Variants in TIAM1 observed in about 807,000 individuals in gnomAD.
The protein encoded by TIAM1 is rho guanine nucleotide exchange factor TIAM1.
In TIAM1, 65 loss-of-function variants were observed where a neutral mutation model predicts 163.5. The ratio of observed to expected loss-of-function variants is 0.40; its 90% confidence interval spans 0.33 to 0.49. The LOEUF (loss-of-function observed/expected upper bound fraction) is 0.49. TIAM1 is among the 20% of genes least tolerant of loss of function. The pLI, the probability that TIAM1 is intolerant of heterozygous loss-of-function variation, is 0.77. For synonymous variants in TIAM1, 833 were observed against 810.1 expected, an observed-to-expected ratio of 1.03 and a Z score of -0.48; for missense variants, 1,789 against 2,044.7, an observed-to-expected ratio of 0.87 and a Z score of 2.41.
chr21:31,288,212 G>A (rs1299648428), intron 2 of TIAM1, among the ~76,000 whole-genome samples: 1 of 151,968 alleles, frequency 6.6e-6, no homozygotes, highest in Non-Finnish European at 1.5e-5. Context: ...CAAAGGACTG[G>A]AACCCACTAG....
At chr21:31,290,028 C>T (rs562298027) in intron 2 of TIAM1, among the ~76,000 whole-genome samples, 2 of 152,180 alleles carry the variant, frequency 1.3e-5, no homozygotes, top group Non-Finnish European at 2.9e-5. Flanking sequence ...TAGTTCTAAG[C>T]ATGCCCACCC....
intron 1 of TIAM1, among the ~76,000 whole-genome samples, chr21:31,477,456 G>A (rs865903564): frequency 1.1e-4 from 16 of 148,402 alleles, no homozygotes; most frequent in African/African-American, 3.7e-4. Context: ...CAGCGACTCA[G>A]GAAAGGGAAC....
chr21:31,299,725 G>A (rs912232711), intron 2 of TIAM1, among the ~76,000 whole-genome samples: 35 of 152,118 alleles, frequency 2.3e-4, no homozygotes, highest in Admixed American at 2.2e-3. Flanking sequence ...AGACAGAATC[G>A]GCGGGGATTT....
intron 2 of TIAM1, among the ~76,000 whole-genome samples, chr21:31,352,100 C>T (rs1421102743): frequency 6.6e-6 from 1 of 151,838 alleles, no homozygotes; most frequent in Non-Finnish European, 1.5e-5. Flanking sequence ...TTTGCTAACG[C>T]CACAAAATAC....
At chr21:31,265,973 A>G (rs201023632) in intron 4 of TIAM1, 37 bp downstream of exon 4, 483 of 1,600,006 alleles carry the variant, frequency 3.0e-4, no homozygotes, top group Non-Finnish European at 3.9e-4. Flanking sequence ...GTCATGCACC[A>G]TTCCCAAAAT....
chr21:31,303,898 A>T (rs2146964554), intron 2 of TIAM1, among the ~76,000 whole-genome samples: 1 of 152,280 alleles, frequency 6.6e-6, no homozygotes, highest in Middle Eastern at 3.4e-3. Context: ...GAATTGCTTG[A>T]ACCCTGGAGG....
At position 31,476,769 on chromosome 21, in the gene TIAM1, G is replaced by A. The variant is rs183337071; in HGVS notation, c.-421-12734C>T. 3.7e-3 allele frequency among the ~76,000 whole-genome samples: 562 copies of A among 152,234 alleles called. 1 individual carries two copies. Among genetic ancestry groups the A allele is most frequent in the Non-Finnish European group, 6.2e-3 (422 of 68,008 alleles). On this transcript the variant is annotated intron_variant, in intron 1 of 28. Coordinates refer to the TIAM1 transcript ENST00000286827. ...AACTGCAATAAATTTACTTACAATAGCCCAAAACCCAGGGCAGTAGAATGC... is the reference window on the plus strand; with the variant it reads ...AACTGCAATAAATTTACTTACAATAACCCAAAACCCAGGGCAGTAGAATGC...
rs189373033 is a variant in TIAM1 at position 31,196,550 on chromosome 21, C to A, written c.2494-1245G>T. The stretch of plus-strand genomic sequence containing the variant: ...TGGACAGGCTGGTCTCAAACTCTGA[C>A]CTCAAATGATCCGCCCACCTCAGCC... On this transcript the variant is annotated intron_variant, in intron 12 of 27. Coordinates refer to ENST00000541036, the MANE Select transcript of TIAM1 (RefSeq NM_001353694.2). 3.4e-5 allele frequency among the ~76,000 whole-genome samples: 5 copies of A among 149,152 alleles called. No homozygotes were observed. The East Asian group carries it at 9.9e-4, about 30-fold the overall frequency.
chr21:31,291,941 CCT>C (rs2146918356), intron 2 of TIAM1, among the ~76,000 whole-genome samples: 1 of 152,270 alleles, frequency 6.6e-6, no homozygotes, highest in East Asian at 1.9e-4. Flanking sequence ...AGCACAAATC[CCT>C]CTTTCTCACC....
intron 6 of TIAM1, among the ~76,000 whole-genome samples, chr21:31,228,219 TTAAAAA>T (rs2088118254): frequency 2.8e-4 from 5 of 17,624 alleles, no homozygotes; most frequent in African/African-American, 4.4e-4. Context: ...CCTCCTTTTT[TTAAAAA>T]AAAAAAAAAA....
intron 12 of TIAM1, among the ~76,000 whole-genome samples, chr21:31,199,924 A>C (rs548359758): frequency 2.2e-3 from 327 of 151,152 alleles, no homozygotes; most frequent in Middle Eastern, 6.8e-3. Context: ...AAAAAAAAAA[A>C]ACACACAAAA....
chr21:31,526,594 G>A (rs886208120), intron 1 of TIAM1, among the ~76,000 whole-genome samples: 2 of 152,180 alleles, frequency 1.3e-5, no homozygotes, highest in African/African-American at 4.8e-5. Context: ...ACCCTGCATG[G>A]CCACAGGTGG....
intron 2 of TIAM1, among the ~76,000 whole-genome samples, chr21:31,382,060 A>G (rs1243997388): frequency 6.6e-6 from 1 of 152,230 alleles, no homozygotes; most frequent in Non-Finnish European, 1.5e-5. Flanking sequence ...AGACCAATAA[A>G]GCATTATGAG....
chr21:31,438,729 G>A (rs1350689701), intron 2 of TIAM1, among the ~76,000 whole-genome samples: 1 of 152,138 alleles, frequency 6.6e-6, no homozygotes, highest in East Asian at 1.9e-4. Flanking sequence ...CTCTGTCTCA[G>A]TGCTATTGGC....
At chr21:31,535,385 A>C (rs1273240323) in intron 1 of TIAM1, among the ~76,000 whole-genome samples, 1 of 101,290 alleles carries the variant, frequency 9.9e-6, no homozygotes, top group Non-Finnish European at 2.0e-5. Flanking sequence ...CATCTCAAAA[A>C]AAAAAAAAAA....
In TIAM1 at chr21:31,383,646, ACCT is replaced by A. The variant is rs1935460369; in HGVS notation, c.-368-44227_-368-44225del. On this transcript the variant is annotated intron_variant, in intron 2 of 28. Transcript: ENST00000286827. ...TTCCTGACATGCCTTGGGAAAGAAA[ACCT>A]CCTGTATCTACATGGGACTACAGGT... 2.0e-5 allele frequency among the ~76,000 whole-genome samples: 3 copies of A among 152,180 alleles called. No individual in the cohort carries two copies. The South Asian group carries it at 6.2e-4, about 32-fold the overall frequency.
At chr21:31,184,871 CTCG>C (rs1199830759) in intron 14 of TIAM1, among the ~76,000 whole-genome samples, 1 of 152,212 alleles carries the variant, frequency 6.6e-6, no homozygotes, top group South Asian at 2.1e-4. Flanking sequence ...TTATTTCTCA[CTCG>C]TCACACCTTT....
At chr21:31,294,620 G>C (rs1348000752) in intron 2 of TIAM1, among the ~76,000 whole-genome samples, 1 of 152,222 alleles carries the variant, frequency 6.6e-6, no homozygotes, top group Non-Finnish European at 1.5e-5. Context: ...TCACAGAAAA[G>C]AGAGCCGTTG....
At chr21:31,143,349 T>A (rs1266033477) in intron 20 of TIAM1, among the ~76,000 whole-genome samples, 1 of 152,046 alleles carries the variant, frequency 6.6e-6, no homozygotes, top group Non-Finnish European at 1.5e-5. Context: ...AGTGACTCGA[T>A]ACTTTTCATA....
Sources: allele counts gnomAD v4.1 joint callset (sites outside exome capture counted in the v4.1 genomes callset), GRCh38; gene constraint gnomAD v4.1.1; transcripts MANE v1.5; gene names NCBI Gene and HGNC (gene_info 2026-07-23, HGNC 2026-07-21).